The following GLT1D1 variants were observed in gnomAD, a reference collection of about 807,000 sequenced individuals.
GLT1D1 encodes the protein glycosyltransferase 1 domain-containing protein 1.
In GLT1D1, 21 loss-of-function variants were observed where a neutral mutation model predicts 28.7. That is an observed-to-expected ratio of 0.73 (90% CI 0.52 to 1.05). GLT1D1 has a LOEUF of 1.05. Among genes scored for constraint, GLT1D1 ranks in the 50% least tolerant of loss-of-function variants. The pLI is 0.00. For missense variants in GLT1D1, 343 were observed against 330.6 expected (o/e 1.04, Z -0.29); for synonymous variants, 147 against 124.8 (o/e 1.18, Z -1.19).
chr12:128,978,688 G>T (rs1451253098), intron 7 of GLT1D1, among the ~76,000 whole-genome samples: 1 of 152,216 alleles, frequency 6.6e-6, no homozygotes, highest in Non-Finnish European at 1.5e-5. Context: ...AGTCCGTAAA[G>T]TGAAAGCGAG....
In GLT1D1 at chr12:128,973,178, G is replaced by GTTT. The variant is rs1565924861; in HGVS notation, c.640-9751_640-9750insTTT. Among the ~76,000 whole-genome samples the GTTT allele has an allele frequency of 7.2e-5, 6 of 83,754 alleles. No homozygotes were observed. The East Asian group carries it at 1.9e-3, about 27-fold the overall frequency. The allele number at this position is 83,754 out of a possible 152,430, so 54.9% of individuals were successfully genotyped here. A position where few individuals can be genotyped will look rare whatever the true frequency, so the allele number is the denominator to read the frequency against. ...TCTTTTCTGTTTTGTTTGTTTGCTT[G>GTTT]GTTTTTTTTTTTTTTTTTTTTTTTT... On this transcript the variant is annotated intron_variant, in intron 7 of 7. Coordinates refer to ENST00000281703, the MANE Select transcript of GLT1D1 (RefSeq NM_144669.3).
chr12:128,856,886 G>GA (rs145472033), intron 1 of GLT1D1, among the ~76,000 whole-genome samples: 18,282 of 152,090 alleles, frequency 0.12, 1,440 homozygotes, highest in African/African-American at 0.22. Flanking sequence ...AGAATCGCTT[G>GA]ACCTGCAAGG....
Position 128,899,276 on chromosome 12 carries a change from C to A in GLT1D1, c.364C>A (p.Gln122Lys). ...CACAGAGTCAATGAAGGAAATGGCACAAGCGCAGTGGGTATGTGTTTATCT... is the reference window on the plus strand; with the variant it reads ...CACAGAGTCAATGAAGGAAATGGCAAAAGCGCAGTGGGTATGTGTTTATCT... The change falls in exon 4 of 8, where the codon CAA becomes AAA. Residue 122 changes from glutamine to lysine, a missense_variant. Transcript: ENST00000281703. 2 of 1,613,424 alleles carry A rather than the reference C, an allele frequency of 1.2e-6. No individual in the cohort carries two copies. The highest frequency in any genetic ancestry group is 1.7e-6 in the Non-Finnish European group (2 of 1,179,354).
At chr12:128,865,683 G>A (rs557636526) in intron 1 of GLT1D1, among the ~76,000 whole-genome samples, 177 of 152,130 alleles carry the variant, frequency 1.2e-3, no homozygotes, top group African/African-American at 4.1e-3. Context: ...TTAGCCAGGC[G>A]TGGTGGCATG....
intron 4 of GLT1D1, chr12:128,926,412 C>A: frequency 1.3e-6 from 2 of 1,532,482 alleles, no homozygotes; most frequent in South Asian, 1.2e-5. Context: ...ATGTGGACTT[C>A]GACAAGTTAA....
intron 1 of GLT1D1, among the ~76,000 whole-genome samples, chr12:128,866,351 G>A (rs1956518219): frequency 6.6e-6 from 1 of 152,060 alleles, no homozygotes; most frequent in African/African-American, 2.4e-5. Context: ...TTACAGGTGT[G>A]AGGCACTGCG....
At chr12:128,939,985 T>C (rs528346742) in intron 4 of GLT1D1, among the ~76,000 whole-genome samples, 10 of 151,928 alleles carry the variant, frequency 6.6e-5, no homozygotes, top group East Asian at 1.9e-4. Context: ...CTTATATATG[T>C]ACACACATAT....
chr12:128,944,997 C>G (rs1352787091), intron 4 of GLT1D1: 15 of 592,814 alleles, frequency 2.5e-5, no homozygotes, highest in Non-Finnish European at 3.6e-5. Context: ...CTCCCTGTGT[C>G]CATGTGTTCT....
At chr12:128,960,397 A>G (rs960120157) in intron 7 of GLT1D1, among the ~76,000 whole-genome samples, 1 of 152,190 alleles carries the variant, frequency 6.6e-6, no homozygotes, top group Non-Finnish European at 1.5e-5. Context: ...CTATGGTTCT[A>G]TGAATCTTGA....
At chr12:128,854,226 T>C (rs146028377) in intron 1 of GLT1D1, among the ~76,000 whole-genome samples, 2 of 151,142 alleles carry the variant, frequency 1.3e-5, no homozygotes, top group Non-Finnish European at 2.9e-5. Flanking sequence ...GTCTGTGTTC[T>C]GGTCGCTGGA....
intron 1 of GLT1D1, among the ~76,000 whole-genome samples, chr12:128,859,216 A>C (rs1330224315): frequency 6.6e-6 from 1 of 152,202 alleles, no homozygotes; most frequent in Non-Finnish European, 1.5e-5. Context: ...AACAGTTGTG[A>C]GCTATTAATC....
At chr12:128,862,680 G>A (rs1956410899) in intron 1 of GLT1D1, among the ~76,000 whole-genome samples, 1 of 152,144 alleles carries the variant, frequency 6.6e-6, no homozygotes, top group African/African-American at 2.4e-5. Flanking sequence ...TCTTCATTCA[G>A]CAGATATTTT....
intron 4 of GLT1D1, chr12:128,944,441 T>G (rs1875750210): frequency 7.4e-7 from 1 of 1,342,528 alleles, no homozygotes. Context: ...TTTAGTCTCT[T>G]GATAACCATC....
chr12:128,874,100 C>CTTTG (rs1219784154), intron 1 of GLT1D1, among the ~76,000 whole-genome samples: 2 of 43,062 alleles, frequency 4.6e-5, no homozygotes, highest in African/African-American at 2.2e-4. Flanking sequence ...TTCTTTCTTT[C>CTTTG]TCTCTCTCTC....
intron 7 of GLT1D1, among the ~76,000 whole-genome samples, chr12:128,964,715 C>A (rs745404228): frequency 2.6e-5 from 4 of 152,120 alleles, no homozygotes; most frequent in Non-Finnish European, 4.4e-5. Flanking sequence ...GACTCGTCAC[C>A]CTGGCATGTT....
chr12:128,873,412 A>G (rs1266400178), intron 1 of GLT1D1, among the ~76,000 whole-genome samples: 1 of 152,194 alleles, frequency 6.6e-6, no homozygotes, highest in East Asian at 1.9e-4. Context: ...ACCATAATAT[A>G]ACGAGGGCCC....
intron 2 of GLT1D1, among the ~76,000 whole-genome samples, chr12:128,877,503 C>T (rs1045035401): frequency 1.3e-5 from 2 of 152,194 alleles, no homozygotes; most frequent in Non-Finnish European, 2.9e-5. Flanking sequence ...TCTGAACACT[C>T]TCTTCATATA....
intron 4 of GLT1D1, among the ~76,000 whole-genome samples, chr12:128,918,003 G>A (rs1872274562): frequency 6.6e-6 from 1 of 152,170 alleles, no homozygotes; most frequent in Non-Finnish European, 1.5e-5. Context: ...AAAGATACAT[G>A]CACGTGTATG....
rs191298696 is a variant in GLT1D1 at position 128,953,585 on chromosome 12, T to C, written c.541-3960T>C. On this transcript the variant is annotated intron_variant, in intron 6 of 7. Coordinates refer to ENST00000281703, the MANE Select transcript of GLT1D1 (RefSeq NM_144669.3). ...TGCCTAACCCACAGTCTTAAAGACT[T>C]AACTTGTGTATTTCTCTCTAAGAAT... Among the ~76,000 whole-genome samples, 4 of 152,354 alleles carry C rather than the reference T, an allele frequency of 2.6e-5. No individual in the cohort carries two copies. In the East Asian group the frequency reaches 7.7e-4, roughly 29 times the overall value.
Sources: gnomAD v4.1 joint callset for allele counts (sites outside exome capture counted in the v4.1 genomes callset) on GRCh38, gnomAD v4.1.1 for gene constraint, MANE v1.5 for transcripts, NCBI Gene and HGNC (gene_info 2026-07-23, HGNC 2026-07-21) for gene names.